Variants in MMP24 observed in about 807,000 individuals in gnomAD.
MMP24 encodes matrix metalloproteinase-24.
In MMP24, 25 loss-of-function variants were observed where a neutral mutation model predicts 62.8. That is an observed-to-expected ratio of 0.40 (90% CI 0.29 to 0.56). MMP24 has a LOEUF of 0.56. Among genes scored for constraint, MMP24 ranks in the 20% least tolerant of loss-of-function variants. The pLI, the probability that MMP24 is intolerant of heterozygous loss-of-function variation, is 0.50. For missense variants in MMP24, 634 were observed against 853.6 expected (o/e 0.74, Z 3.21); for synonymous variants, 319 against 350.5 (o/e 0.91, Z 1.00).
chr20:35,251,775 C>T, intron 2 of MMP24, 130 bp from the exon 3 acceptor site: 1 of 681,162 alleles, frequency 1.5e-6, no homozygotes, highest in Non-Finnish European at 2.6e-6. Context: ...CCATCCAAGC[C>T]AGGGTCCCAG....
intron 1 of MMP24, among the ~76,000 whole-genome samples, chr20:35,242,705 C>T (rs1211229807): frequency 2.0e-5 from 3 of 152,224 alleles, no homozygotes; most frequent in Admixed American, 1.3e-4. Context: ...TCCGTATCCA[C>T]TCAGCACCAG....
chr20:35,248,207 G>A lies in MMP24; in HGVS notation c.395+1219G>A, dbSNP rs563295470. 4.6e-5 allele frequency among the ~76,000 whole-genome samples: 7 copies of A among 152,088 alleles called. No homozygotes were observed. The South Asian group carries it at 6.2e-4, about 14-fold the overall frequency. On this transcript the variant is annotated intron_variant, in intron 2 of 8. Transcript: ENST00000246186. ...GTTGTGGATCAAGGATCAATTTGAC[G>A]TAAGTCACTCCTGGACAGAATCATC...
At chr20:35,262,538 T>C (rs1471931155) in intron 4 of MMP24, among the ~76,000 whole-genome samples, 2 of 151,240 alleles carry the variant, frequency 1.3e-5, no homozygotes, top group South Asian at 2.1e-4. Context: ...TCTCAGTAGA[T>C]GGAGCATACA....
At chr20:35,241,637 T>G (rs1351879367) in intron 1 of MMP24, among the ~76,000 whole-genome samples, 1 of 152,176 alleles carries the variant, frequency 6.6e-6, no homozygotes, top group Non-Finnish European at 1.5e-5. Context: ...TGGATTTGGA[T>G]GGGCTGTGAG....
In MMP24 at chr20:35,253,270, C is replaced by CTTTTTTTTTT. The variant is rs34474017; in HGVS notation, c.513-1166_513-1157dup. On this transcript the variant is annotated intron_variant, in intron 3 of 8. Coordinates refer to ENST00000246186, the MANE Select transcript of MMP24 (RefSeq NM_006690.4). The stretch of plus-strand genomic sequence containing the variant: ...GACAAGCACTCCCTACAGAACGGGA[C>CTTTTTTTTTT]TTTTTTTTTTTTTTTTTTTTTTTCA... 1.5e-3 allele frequency among the ~76,000 whole-genome samples: 117 copies of CTTTTTTTTTT among 79,042 alleles called. 18 individuals are homozygous for CTTTTTTTTTT. The highest frequency in any genetic ancestry group is 5.9e-3 in the African/African-American group (102 of 17,172). 51.9% of individuals were successfully genotyped at this position (79,042 alleles called of 152,430 possible).
At chr20:35,233,069 C>T (rs894046124) in intron 1 of MMP24, among the ~76,000 whole-genome samples, 2 of 152,158 alleles carry the variant, frequency 1.3e-5, no homozygotes, top group South Asian at 4.1e-4. Flanking sequence ...AATTTAAAGA[C>T]TCAATTCTAT....
chr20:35,274,693 C>A lies in MMP24; in HGVS notation c.*84C>A. On this transcript the variant is annotated 3_prime_UTR_variant, in exon 9 of 9. Coordinates refer to ENST00000246186, the MANE Select transcript of MMP24 (RefSeq NM_006690.4). This position sits in a 1 kb window ranked among gnomAD's most constrained non-coding sequence, Gnocchi z 5.1. ...GTCTGAGGGGCAGCTCTGGCCAGTG[C>A]TCACCAGGGCCAGCAGGGCCCTAGG... The A allele has an allele frequency of 8.2e-7, 1 of 1,221,786 alleles. No homozygotes were observed. Among genetic ancestry groups the A allele is most frequent in the African/African-American group, 1.5e-5 (1 of 65,532 alleles). The allele number at this position is 1,221,786 out of a possible 1,614,324, so 75.7% of individuals were successfully genotyped here.
intron 5 of MMP24, among the ~76,000 whole-genome samples, chr20:35,265,600 C>T (rs975237298): frequency 2.0e-5 from 3 of 151,740 alleles, no homozygotes; most frequent in Non-Finnish European, 4.4e-5. Context: ...TTTATTAGGC[C>T]GGGCGCGGTG....
intron 8 of MMP24, chr20:35,272,104 C>T: frequency 1.8e-6 from 1 of 554,982 alleles, no homozygotes; most frequent in Admixed American, 3.5e-5. Context: ...TTCTCAAACA[C>T]TTATCCTCAG....
chr20:35,264,865 G>T (rs2060624772), intron 5 of MMP24, among the ~76,000 whole-genome samples: 1 of 152,134 alleles, frequency 6.6e-6, no homozygotes, highest in African/African-American at 2.4e-5. Context: ...AGTCAGGTGA[G>T]CTAGGGAGAC....
chr20:35,254,416 G>A, intron 3 of MMP24, 34 bp from the exon 4 acceptor site: 4 of 1,571,740 alleles, frequency 2.5e-6, no homozygotes, highest in Non-Finnish European at 3.5e-6. Flanking sequence ...CTGACTCTCT[G>A]ATCTTGCCTA....
At chr20:35,262,985 T>C (rs1238364114) in intron 4 of MMP24, 1 of 152,110 alleles carries the variant, frequency 6.6e-6, no homozygotes, top group Admixed American at 6.6e-5. Flanking sequence ...TAACAGAATC[T>C]CAAGGCAGAA....
At chr20:35,261,310 T>C (rs2060601483) in intron 4 of MMP24, among the ~76,000 whole-genome samples, 1 of 152,206 alleles carries the variant, frequency 6.6e-6, no homozygotes, top group Admixed American at 6.5e-5. Flanking sequence ...CTTCCTCCAG[T>C]AACCAAGCTT....
At chr20:35,241,564 A>G (rs776700369) in intron 1 of MMP24, among the ~76,000 whole-genome samples, 1 of 152,158 alleles carries the variant, frequency 6.6e-6, no homozygotes, top group Non-Finnish European at 1.5e-5. Context: ...ACATTTGCCT[A>G]TGACCTGAGT....
chr20:35,272,893 T>C (rs1339154791), intron 8 of MMP24, among the ~76,000 whole-genome samples: 1 of 152,164 alleles, frequency 6.6e-6, no homozygotes, highest in African/African-American at 2.4e-5. Flanking sequence ...GAAGACAAAT[T>C]ATGTAGCATA....
chr20:35,230,451 C>G (rs1384972938), intron 1 of MMP24, among the ~76,000 whole-genome samples: 1 of 152,238 alleles, frequency 6.6e-6, no homozygotes, highest in African/African-American at 2.4e-5. Flanking sequence ...TGATTCTACT[C>G]TTTATCCTTT....
rs934239231 is a variant in MMP24 at position 35,274,453 on chromosome 20, C to T, written c.1782C>T (p.Asn594=). The change falls in exon 9 of 9, where the codon AAC becomes AAT. Residue 594 remains asparagine (N), a synonymous_variant. Coordinates refer to ENST00000246186, the MANE Select transcript of MMP24 (RefSeq NM_006690.4). The surrounding 1 kb of genome is among the most constrained non-coding windows in gnomAD (Gnocchi z 5.1). ...ACGTGGACATCATGGTGACCATCAACGATGTGCCGGGCTCCGTGAACGCCG... is the reference window on the plus strand; with the variant it reads ...ACGTGGACATCATGGTGACCATCAATGATGTGCCGGGCTCCGTGAACGCCG... The part of the protein sequence containing the change: ...QDDVDIMVTI[N]DVPGSVNAVA... 5.6e-6 allele frequency: 9 copies of T among 1,613,882 alleles called. No individual in the cohort carries two copies. The highest frequency in any genetic ancestry group is 2.7e-5 in the African/African-American group (2 of 74,910).
At chr20:35,273,934 G>A (rs535961910) in intron 8 of MMP24, among the ~76,000 whole-genome samples, 1 of 152,330 alleles carries the variant, frequency 6.6e-6, no homozygotes, top group South Asian at 2.1e-4. Flanking sequence ...ACATGAGCGG[G>A]GCAAGGGGGA....
At chr20:35,267,483 A>C in intron 6 of MMP24, 64 bp downstream of exon 6, 1 of 1,460,104 alleles carries the variant, frequency 6.8e-7, no homozygotes, top group Non-Finnish European at 9.4e-7. Flanking sequence ...CCCCGACATC[A>C]TGGAGCTGGG....
Sources: gnomAD v4.1 joint callset for allele counts (sites outside exome capture counted in the v4.1 genomes callset) on GRCh38, gnomAD v4.1.1 for gene constraint, Gnocchi (gnomAD v3.1) non-coding constraint, MANE v1.5 for transcripts, NCBI Gene and HGNC (gene_info 2026-07-23, HGNC 2026-07-21) for gene names.